Variants in GATAD2B observed in about 807,000 individuals in gnomAD.
The protein encoded by GATAD2B is transcriptional repressor p66-beta.
A neutral mutation model predicts 64.3 loss-of-function variants in GATAD2B; 8 were observed. The observed-to-expected ratio is 0.12, with a 90% CI of 0.07 to 0.22. The LOEUF (loss-of-function observed/expected upper bound fraction) is 0.22, where lower values mean the gene tolerates loss of function less well. GATAD2B is among the 10% of genes least tolerant of loss of function. GATAD2B has a pLI of 1.00. For synonymous variants in GATAD2B, 281 were observed against 271.3 expected, an observed-to-expected ratio of 1.04 and a Z score of -0.35; for missense variants, 453 against 752.0, an observed-to-expected ratio of 0.60 and a Z score of 4.65.
chr1:153,834,830 C>T (rs1366262729), intron 1 of GATAD2B, among the ~76,000 whole-genome samples: 1 of 151,956 alleles, frequency 6.6e-6, no homozygotes, highest in African/African-American at 2.4e-5. Context: ...TAGAAGGGAG[C>T]CTGGGCAAGG....
chr1:153,901,517 T>C (rs1482743144), intron 1 of GATAD2B, among the ~76,000 whole-genome samples: 10 of 152,136 alleles, frequency 6.6e-5, no homozygotes, highest in African/African-American at 1.9e-4. Context: ...AACTAGCTGA[T>C]TGATTTTTCT....
At chr1:153,862,923 C>A (rs368879323) in intron 1 of GATAD2B, among the ~76,000 whole-genome samples, 89 of 151,462 alleles carry the variant, frequency 5.9e-4, no homozygotes, top group African/African-American at 2.1e-3. Context: ...AGGGTTTCTT[C>A]ATGTTGGTCA....
At position 153,817,578 on chromosome 1, in the gene GATAD2B, G is replaced by A. The variant is rs115795066; in HGVS notation, c.730-36C>T. ...AGAAGAGGAAAAGAACTAATCACAG[G>A]TTGTACGCTGTGTATAATACAGCAC... On this transcript the variant is annotated intron_variant, in intron 5 of 10. Transcript: ENST00000368655. 0.018 allele frequency: 26,569 copies of A among 1,496,162 alleles called. 306 individuals are homozygous for A. The highest frequency in any genetic ancestry group is 0.02 in the Non-Finnish European group (22,316 of 1,102,560). The allele number at this position is 1,496,162 out of a possible 1,614,324, so 92.7% of individuals were successfully genotyped here. A position where few individuals can be genotyped will look rare whatever the true frequency, so the allele number is the denominator to read the frequency against.
chr1:153,838,171 C>G (rs556446593), intron 1 of GATAD2B, among the ~76,000 whole-genome samples: 1 of 152,256 alleles, frequency 6.6e-6, no homozygotes, highest in South Asian at 2.1e-4. Flanking sequence ...CAGTACAACA[C>G]CCTTCTCAGA....
chr1:153,856,201 T>G (rs1399620063), intron 1 of GATAD2B, among the ~76,000 whole-genome samples: 2 of 152,224 alleles, frequency 1.3e-5, no homozygotes. Context: ...TTCCACATTT[T>G]AAGGTCAACT....
At chr1:153,904,038 C>A (rs768367655) in intron 1 of GATAD2B, among the ~76,000 whole-genome samples, 3 of 152,022 alleles carry the variant, frequency 2.0e-5, no homozygotes, top group Non-Finnish European at 4.4e-5. Context: ...CCCAGCACTT[C>A]GGGAAGGTAA....
chr1:153,842,067 G>A (rs4581307), intron 1 of GATAD2B, among the ~76,000 whole-genome samples: 62,382 of 151,836 alleles, frequency 0.41, 13,949 homozygotes, highest in Non-Finnish European at 0.52. Context: ...TCAAATTCCT[G>A]GCCTCATTCC....
At chr1:153,911,454 GC>G (rs1678105863) in intron 1 of GATAD2B, among the ~76,000 whole-genome samples, 1 of 152,184 alleles carries the variant, frequency 6.6e-6, no homozygotes, top group Admixed American at 6.5e-5. Context: ...CAACTTCCGG[GC>G]CAAGTGTGGT....
At chr1:153,891,661 ATG>A (rs1491091011) in intron 1 of GATAD2B, among the ~76,000 whole-genome samples, 1 of 4,866 alleles carries the variant, frequency 2.1e-4, no homozygotes, top group Non-Finnish European at 5.4e-4. Context: ...GGAGGTAAGT[ATG>A]GGGGGGGGGG....
At chr1:153,857,648 G>T (rs1242897972) in intron 1 of GATAD2B, among the ~76,000 whole-genome samples, 1 of 152,050 alleles carries the variant, frequency 6.6e-6, no homozygotes. Context: ...AGAGAGAGAT[G>T]TCTCTGGAAT....
At chr1:153,817,640 G>T in intron 5 of GATAD2B, 98 bp from the exon 6 acceptor site, 1 of 760,678 alleles carries the variant, frequency 1.3e-6, no homozygotes, top group Admixed American at 3.6e-5. Flanking sequence ...ATAATACATA[G>T]CTAAGTAGAA....
rs1428298684 is a variant in GATAD2B at position 153,816,045 on chromosome 1, T to A, written c.1216+228A>T. ...TCCAGCCTGGGCAACAGAGCGAGAC[T>A]GCATCTCAAACAAAACACACACACA... is the stretch of plus-strand genomic sequence containing the variant. On this transcript the variant is annotated intron_variant, in intron 7 of 10. Transcript: ENST00000368655. This position sits in a 1 kb window ranked among gnomAD's most constrained non-coding sequence, Gnocchi z 4.9. Among the ~76,000 whole-genome samples, 10 of 124,358 alleles carry A rather than the reference T, an allele frequency of 8.0e-5. No individual in the cohort carries two copies. In the East Asian group the frequency reaches 2.5e-3, roughly 32 times the overall value. 81.6% of individuals were successfully genotyped at this position (124,358 alleles called of 152,430 possible). A position where few individuals can be genotyped will look rare whatever the true frequency, so the allele number is the denominator to read the frequency against.
chr1:153,879,666 G>A (rs1274072704), intron 1 of GATAD2B, among the ~76,000 whole-genome samples: 1 of 151,468 alleles, frequency 6.6e-6, no homozygotes, highest in Non-Finnish European at 1.5e-5. Flanking sequence ...AGGAGGCTGA[G>A]GCAGGAGAAT....
rs770769031 is a variant in GATAD2B at position 153,816,427 on chromosome 1, C to A, written c.1062G>T (p.Leu354Phe). ...TCTTTTCCAGCTGTTTGCGAAGAGC[C>A]AATTTGGCTGCAGCCTGTGAGTTGG... ...DAANSQAAAK[L>F]ALRKQLEKTL... is the part of the protein sequence containing the mutation. Residue 354 changes from leucine (L) to phenylalanine (F), a missense_variant, in exon 7 of 11, where the codon TTG becomes TTT. This residue lies in a region of GATAD2B where 160 missense variants were observed against 334.7 expected (regional missense o/e 0.48). Coordinates refer to ENST00000368655, the MANE Select transcript of GATAD2B (RefSeq NM_020699.4). The surrounding 1 kb of genome is among the most constrained non-coding windows in gnomAD (Gnocchi z 4.9). 1.2e-6 allele frequency: 2 copies of A among 1,614,174 alleles called. No homozygotes were observed. Among genetic ancestry groups the A allele is most frequent in the Non-Finnish European group, 1.7e-6 (2 of 1,180,024 alleles).
At chr1:153,858,284 C>T (rs1334764368) in intron 1 of GATAD2B, among the ~76,000 whole-genome samples, 1 of 152,042 alleles carries the variant, frequency 6.6e-6, no homozygotes, top group Non-Finnish European at 1.5e-5. Flanking sequence ...AGAAATCAGG[C>T]TGGGGGCATG....
At chr1:153,852,889 G>A (rs149377677) in intron 1 of GATAD2B, 125 of 774,206 alleles carry the variant, frequency 1.6e-4, no homozygotes, top group Non-Finnish European at 2.0e-4. Context: ...TTTGGTGAGC[G>A]CATGTTCCAA....
At chr1:153,834,890 C>G (rs574244165) in intron 1 of GATAD2B, among the ~76,000 whole-genome samples, 12 of 151,860 alleles carry the variant, frequency 7.9e-5, no homozygotes, top group Non-Finnish European at 1.6e-4. Flanking sequence ...GAGGCTGAGA[C>G]AGGAGGATCA....
At position 153,816,199 on chromosome 1, in the gene GATAD2B, C is replaced by G; in HGVS notation, c.1216+74G>C. On this transcript the variant is annotated intron_variant, in intron 7 of 10. Coordinates refer to ENST00000368655, the MANE Select transcript of GATAD2B (RefSeq NM_020699.4). The surrounding 1 kb of genome is among the most constrained non-coding windows in gnomAD (Gnocchi z 4.9). ...GTTATTTAATATTGTACAGTACCCT[C>G]TGATACTCTGCCTATGTCAATCAGG... is the stretch of plus-strand genomic sequence containing the variant. The G allele has an allele frequency of 1.1e-6, 1 of 935,286 alleles. No individual in the cohort carries two copies. The allele number at this position is 935,286 out of a possible 1,614,324, so 57.9% of individuals were successfully genotyped here.
At position 153,810,008 on chromosome 1, in the gene GATAD2B, C is replaced by G. The variant is rs913052934; in HGVS notation, c.*169G>C. 3 of 615,372 alleles carry G rather than the reference C, an allele frequency of 4.9e-6. No homozygotes were observed. Among genetic ancestry groups the G allele is most frequent in the Non-Finnish European group, 5.7e-6 (2 of 352,696 alleles). The allele number at this position is 615,372 out of a possible 1,614,324, so 38.1% of individuals were successfully genotyped here. The stretch of plus-strand genomic sequence containing the variant: ...GTGAAATAAAGGGGAGGTGGCAGGG[C>G]AGGGCGTGTGTTTTCTTGCTGATCT... On this transcript the variant is annotated 3_prime_UTR_variant, in exon 11 of 11. Coordinates refer to ENST00000368655, the MANE Select transcript of GATAD2B (RefSeq NM_020699.4).
Sources: allele counts gnomAD v4.1 joint callset (sites outside exome capture counted in the v4.1 genomes callset), GRCh38; gene constraint gnomAD v4.1.1; regional missense constraint gnomAD v4.1.1; non-coding constraint Gnocchi (gnomAD v3.1); transcripts MANE v1.5; gene names NCBI Gene and HGNC (gene_info 2026-07-23, HGNC 2026-07-21).